RPS6KC1: variants seen among roughly 807,000 people sequenced by gnomAD.
The protein encoded by RPS6KC1 is inactive ribosomal protein S6 kinase delta-1.
Under a neutral mutation model 103.8 loss-of-function variants are expected in RPS6KC1, and 54 were observed. That is an observed-to-expected ratio of 0.52 (90% confidence interval 0.42 to 0.65). RPS6KC1 has a LOEUF of 0.65. Among genes scored for constraint, RPS6KC1 ranks in the 30% least tolerant of loss-of-function variants. The pLI is 0.00. For missense variants in RPS6KC1, 1,151 were observed against 1,253.8 expected (o/e 0.92, Z 1.24); for synonymous variants, 439 against 438.7 (o/e 1.00, Z -0.01).
chr1:213,194,537 C>G (rs1180807193), intron 8 of RPS6KC1, among the ~76,000 whole-genome samples: 1 of 152,178 alleles, frequency 6.6e-6, no homozygotes, highest in Non-Finnish European at 1.5e-5. Flanking sequence ...GGTCCCCCAT[C>G]CCTGGGCCAC....
intron 12 of RPS6KC1, among the ~76,000 whole-genome samples, chr1:213,261,256 A>G (rs1017707106): frequency 1.3e-5 from 2 of 152,200 alleles, no homozygotes; most frequent in East Asian, 3.8e-4. Flanking sequence ...AAATGTAAAA[A>G]ATTAAGCAAA....
At chr1:213,417,298 C>T in the RPS6KC1 span, among the ~76,000 whole-genome samples, 2 of 152,314 alleles carry the variant, frequency 1.3e-5, no homozygotes, top group South Asian at 2.1e-4. Context: ...ACAGTGATTA[C>T]TAGATTGGTT....
chr1:213,342,676 A>G, the RPS6KC1 span, among the ~76,000 whole-genome samples: 2 of 151,986 alleles, frequency 1.3e-5, no homozygotes, highest in East Asian at 3.9e-4. Flanking sequence ...CATCTCATTC[A>G]CTTATATTTG....
chr1:213,404,813 A>T, the RPS6KC1 span, among the ~76,000 whole-genome samples: 1 of 152,230 alleles, frequency 6.6e-6, no homozygotes, highest in Non-Finnish European at 1.5e-5. Flanking sequence ...CTTTCTTCTC[A>T]AATGATACTA....
chr1:213,324,694 T>C, the RPS6KC1 span, among the ~76,000 whole-genome samples: 2 of 151,768 alleles, frequency 1.3e-5, no homozygotes, highest in South Asian at 2.1e-4. Context: ...CCTGTACCTT[T>C]TGTTACCATT....
the RPS6KC1 span, chr1:213,840,218 A>G: frequency 6.6e-6 from 1 of 152,298 alleles, no homozygotes; most frequent in Non-Finnish European, 1.5e-5. Context: ...AATGATAAAT[A>G]TTAATATAAG....
At chr1:213,641,657 G>A in the RPS6KC1 span, among the ~76,000 whole-genome samples, 11 of 152,012 alleles carry the variant, frequency 7.2e-5, 1 homozygote, top group Middle Eastern at 0.014. Flanking sequence ...AAGTTTATCA[G>A]ATCACTGTCC....
chr1:213,744,951 T>C, the RPS6KC1 span, among the ~76,000 whole-genome samples: 1 of 152,256 alleles, frequency 6.6e-6, no homozygotes, highest in East Asian at 1.9e-4. Flanking sequence ...GATGTCGGCA[T>C]GAGGCCCTTC....
the RPS6KC1 span, among the ~76,000 whole-genome samples, chr1:213,433,974 G>A: frequency 6.6e-6 from 1 of 151,040 alleles, no homozygotes; most frequent in Non-Finnish European, 1.5e-5. Context: ...TTATAAATTT[G>A]TTCTTTTATA....
At chr1:213,584,058 C>T in the RPS6KC1 span, among the ~76,000 whole-genome samples, 3 of 151,884 alleles carry the variant, frequency 2.0e-5, no homozygotes, top group African/African-American at 7.3e-5. Context: ...GGGTGGTTTC[C>T]CCCATACTAT....
chr1:213,143,063 G>A lies in RPS6KC1; in HGVS notation c.835+13174G>A, dbSNP rs145763661. 4.2e-3 allele frequency among the ~76,000 whole-genome samples: 644 copies of A among 152,108 alleles called. 3 individuals are homozygous for A. Among genetic ancestry groups the A allele is most frequent in the African/African-American group, 0.015 (608 of 41,544 alleles). On this transcript the variant is annotated intron_variant, in intron 6 of 14. Coordinates refer to ENST00000366960, the MANE Select transcript of RPS6KC1 (RefSeq NM_012424.6). ...ACATCGTGGCCTTTACTACCGTTGT[G>A]TAGTTTATATCTCTAGAATATAGGG...
the RPS6KC1 span, among the ~76,000 whole-genome samples, chr1:213,659,488 CA>C: frequency 6.6e-6 from 1 of 152,074 alleles, no homozygotes; most frequent in African/African-American, 2.4e-5. Context: ...TACCAGTTAC[CA>C]AAGAACATTT....
the RPS6KC1 span, among the ~76,000 whole-genome samples, chr1:213,544,878 G>C: frequency 1.3e-5 from 2 of 152,310 alleles, no homozygotes; most frequent in South Asian, 4.1e-4. Flanking sequence ...CATTGGAAGA[G>C]CAGTGGAGCA....
chr1:213,466,270 G>A, the RPS6KC1 span, among the ~76,000 whole-genome samples: 2 of 152,038 alleles, frequency 1.3e-5, no homozygotes, highest in Non-Finnish European at 2.9e-5. Context: ...TTTTAGAGGG[G>A]TCAATATTTA....
At chr1:213,422,443 A>G in the RPS6KC1 span, among the ~76,000 whole-genome samples, 127 of 152,332 alleles carry the variant, frequency 8.3e-4, no homozygotes, top group Admixed American at 2.6e-3. Context: ...ATTTTGAAGA[A>G]TGCTGCTATG....
At chr1:213,623,079 C>T in the RPS6KC1 span, among the ~76,000 whole-genome samples, 6 of 152,140 alleles carry the variant, frequency 3.9e-5, 1 homozygote, top group African/African-American at 7.2e-5. Flanking sequence ...GCATTTTGTT[C>T]TCTAGGCCCC....
intron 5 of RPS6KC1, among the ~76,000 whole-genome samples, chr1:213,118,854 C>T (rs1411186556): frequency 6.6e-6 from 1 of 152,054 alleles, no homozygotes; most frequent in African/African-American, 2.4e-5. Flanking sequence ...ACATTGTTGA[C>T]AGTAATTTTA....
At chr1:213,405,451 A>T in the RPS6KC1 span, among the ~76,000 whole-genome samples, 1 of 152,128 alleles carries the variant, frequency 6.6e-6, no homozygotes, top group Non-Finnish European at 1.5e-5. Flanking sequence ...ATGAAAAAAA[A>T]ATTCACCAGC....
At chr1:213,115,596 C>G (rs1224707703) in intron 4 of RPS6KC1, among the ~76,000 whole-genome samples, 2 of 152,056 alleles carry the variant, frequency 1.3e-5, no homozygotes, top group Admixed American at 6.5e-5. Flanking sequence ...CTTCTACTAG[C>G]TTTTGAATGT....
Sources: allele counts gnomAD v4.1 joint callset (sites outside exome capture counted in the v4.1 genomes callset), GRCh38; gene constraint gnomAD v4.1.1; transcripts MANE v1.5; gene names NCBI Gene and HGNC (gene_info 2026-07-23, HGNC 2026-07-21).